IKBIP: variants seen among roughly 807,000 people sequenced by gnomAD.
The protein encoded by IKBIP is IKBKB interacting protein.
IKBIP carries 28 observed loss-of-function variants against 31.0 expected under a neutral mutation model. The observed-to-expected ratio is 0.90, with a 90% CI of 0.67 to 1.24. The LOEUF is 1.24. Among genes scored for constraint, IKBIP ranks in the 50% most tolerant of loss-of-function variants. The probability of loss-of-function intolerance (pLI) is 0.00; values close to 1 mark genes in which losing one functional copy is unlikely to be tolerated. For synonymous variants in IKBIP, 164 were observed against 160.3 expected (o/e 1.02, Z -0.17); for missense variants, 453 against 441.9 (o/e 1.03, Z -0.23).
At chr12:98,614,166 C>T (rs2097604927) in exon 3 of IKBIP, 1 of 1,613,844 alleles carries the variant, frequency 6.2e-7, no homozygotes, top group East Asian at 2.2e-5. Flanking sequence ...GTACTTTGGT[C>T]TACTTTTGTA....
chr12:98,630,911 G>C (rs753258027), intron 2 of IKBIP, among the ~76,000 whole-genome samples: 2 of 147,500 alleles, frequency 1.4e-5, no homozygotes, highest in African/African-American at 2.5e-5. Context: ...GCTACGAAAA[G>C]ACTGAATATT....
downstream of IKBIP, among the ~76,000 whole-genome samples, chr12:98,622,231 T>C (rs1004701171): frequency 7.9e-5 from 12 of 152,006 alleles, no homozygotes; most frequent in African/African-American, 2.9e-4. Context: ...TTGTATTAAA[T>C]TAATAGTTTA....
At chr12:98,632,903 C>T (rs768887520) in intron 2 of IKBIP, among the ~76,000 whole-genome samples, 3 of 152,064 alleles carry the variant, frequency 2.0e-5, no homozygotes, top group Non-Finnish European at 4.4e-5. Flanking sequence ...GCTGGGATTA[C>T]AGGCATGAGC....
chr12:98,641,776 C>T (rs2097630680), intron 1 of IKBIP, among the ~76,000 whole-genome samples: 1 of 117,266 alleles, frequency 8.5e-6, no homozygotes, highest in Admixed American at 9.6e-5. Context: ...TCACCTCAGC[C>T]TCCCAAGTAC....
intron 2 of IKBIP, among the ~76,000 whole-genome samples, chr12:98,632,415 T>G (rs1444989226): frequency 7.2e-6 from 1 of 138,022 alleles, no homozygotes; most frequent in African/African-American, 2.7e-5. Flanking sequence ...GTTGAGCTGT[T>G]ATTCCAACAC....
intron 2 of IKBIP, among the ~76,000 whole-genome samples, chr12:98,617,921 A>G (rs1299786126): frequency 6.6e-6 from 1 of 152,218 alleles, no homozygotes; most frequent in Non-Finnish European, 1.5e-5. Flanking sequence ...ATAACTTTCT[A>G]TTAATAACCA....
rs1442101393 is a variant in IKBIP, at chr12:98,624,411, A to C, written c.*1519T>G. 5 of 985,412 alleles carry C rather than the reference A, an allele frequency of 5.1e-6. No individual in the cohort carries two copies. The highest frequency in any genetic ancestry group is 6.0e-6 in the Non-Finnish European group (5 of 829,898). 61.0% of individuals were successfully genotyped at this position (985,412 alleles called of 1,614,324 possible). A position where few individuals can be genotyped will look rare whatever the true frequency, so the allele number is the denominator to read the frequency against. ...AACAGAACTCTCCAGGCTTATTTTC[A>C]TGATTCACGCTGTCTACCACAGGCC... On this transcript the variant is annotated 3_prime_UTR_variant, in exon 3 of 3. Coordinates refer to ENST00000299157, the MANE Select transcript of IKBIP (RefSeq NM_153687.4).
chr12:98,637,148 G>A (rs2097626425), intron 1 of IKBIP, among the ~76,000 whole-genome samples: 1 of 151,966 alleles, frequency 6.6e-6, no homozygotes, highest in African/African-American at 2.4e-5. Flanking sequence ...CATGTTAGTG[G>A]AAATATCATC....
chr12:98,639,972 C>CAG (rs1234215310), intron 1 of IKBIP, among the ~76,000 whole-genome samples: 5 of 152,108 alleles, frequency 3.3e-5, no homozygotes, highest in Admixed American at 3.3e-4. Flanking sequence ...AGATAAAACT[C>CAG]TACTAACACA....
chr12:98,635,082 T>C (rs2097624631), intron 1 of IKBIP, among the ~76,000 whole-genome samples: 2 of 151,354 alleles, frequency 1.3e-5, no homozygotes, highest in African/African-American at 4.9e-5. Flanking sequence ...CTCGGTTCAC[T>C]GCAACCTTTG....
rs528888235 is a variant in IKBIP, at chr12:98,641,558, A to G, written c.179+2965T>C. ...TTTTGCAATAAACAGCAACCAAAGTACATTTGCTTCAATTTTTGCAGCAAA... is the reference window on the plus strand; with the variant it reads ...TTTTGCAATAAACAGCAACCAAAGTGCATTTGCTTCAATTTTTGCAGCAAA... On this transcript the variant is annotated intron_variant, in intron 1 of 2. Transcript: ENST00000299157. Among the ~76,000 whole-genome samples, 54 of 152,372 alleles carry G rather than the reference A, an allele frequency of 3.5e-4. 1 individual carries two copies. The South Asian group carries it at 0.011, about 32-fold the overall frequency.
At chr12:98,631,001 C>T (rs2097619636) in intron 2 of IKBIP, among the ~76,000 whole-genome samples, 4 of 151,432 alleles carry the variant, frequency 2.6e-5, no homozygotes, top group Non-Finnish European at 2.9e-5. Flanking sequence ...GGCATGATCT[C>T]GGCTCACCAC....
intron 2 of IKBIP, among the ~76,000 whole-genome samples, chr12:98,616,175 A>G (rs930350984): frequency 1.3e-5 from 2 of 152,116 alleles, no homozygotes; most frequent in Admixed American, 1.3e-4. Context: ...CTTTTTGATA[A>G]TAAATATTCT....
chr12:98,643,812 G>GTTTTCTTTTTTTTTTTTTTTTCC (rs1555212501), intron 1 of IKBIP, among the ~76,000 whole-genome samples: 8,315 of 130,612 alleles, frequency 0.064, 344 homozygotes, highest in East Asian at 0.18. Context: ...TAATGATATG[G>GTTTTCTTTTTTTTTTTTTTTTCC]TTTTCTTTTT....
chr12:98,627,601 G>T (rs1267452593), intron 2 of IKBIP, among the ~76,000 whole-genome samples: 1 of 151,878 alleles, frequency 6.6e-6, no homozygotes, highest in African/African-American at 2.4e-5. Flanking sequence ...ACCACACCCG[G>T]CTAATTTTTT....
In IKBIP at chr12:98,644,631, C is replaced by A. The variant is rs755880604; in HGVS notation, c.71G>T (p.Ser24Ile). Residue 24 changes from serine to isoleucine, a missense_variant, in exon 1 of 3, where the codon AGC (serine) becomes ATC (isoleucine). Coordinates refer to ENST00000299157, the MANE Select transcript of IKBIP (RefSeq NM_153687.4). ...GAPAAEPGKRSEGGKTPVARS... is the reference protein window; with the variant it reads ...GAPAAEPGKRIEGGKTPVARS... ...GGCCACGGGGGTCTTCCCGCCCTCG[C>A]TCCGCTTCCCGGGCTCCGCAGCAGG... is the stretch of plus-strand genomic sequence containing the variant. 2 of 1,610,876 alleles carry A rather than the reference C, an allele frequency of 1.2e-6. No homozygotes were observed. Among genetic ancestry groups the A allele is most frequent in the Admixed American group, 3.4e-5 (2 of 59,582 alleles).
rs1039565933 is a variant in IKBIP at position 98,626,204 on chromosome 12, G to C, written c.860C>G (p.Ser287Cys). 6.2e-7 allele frequency: 1 copy of C among 1,613,432 alleles called. No individual in the cohort carries two copies. Among genetic ancestry groups the C allele is most frequent in the Admixed American group, 1.7e-5 (1 of 60,026 alleles). Reference sequence around the variant, plus strand: ...CTTTTCTGTTTCTATCAGATCCTGAGAGACTCTGAGAACAGAGTGAATAGC... The same window carrying C: ...CTTTTCTGTTTCTATCAGATCCTGACAGACTCTGAGAACAGAGTGAATAGC... ...ESAIHSVLRV[S>C]QDLIETEKKM... Residue 287 changes from serine to cysteine, a missense_variant, in exon 3 of 3, where the codon TCT (serine) becomes TGT (cysteine). By Grantham distance (112) the Ser-to-Cys change is moderately radical (BLOSUM62 -1). Transcript: ENST00000299157.
At position 98,624,898 on chromosome 12, in the gene IKBIP, G is replaced by A. The variant is rs1461081449; in HGVS notation, c.*1032C>T. The A allele has an allele frequency of 3.9e-5, 14 of 356,156 alleles. No individual in the cohort carries two copies. Among genetic ancestry groups the A allele is most frequent in the African/African-American group, 4.4e-5 (2 of 45,120 alleles). 22.1% of individuals were successfully genotyped at this position (356,156 alleles called of 1,614,324 possible). On this transcript the variant is annotated 3_prime_UTR_variant, in exon 3 of 3. Transcript: ENST00000299157. ...CGGCTCACTGCAAGCTCTGCCTCCCGGGTTCACACCATTCTCCTGCCTCAG... is the reference window on the plus strand; with the variant it reads ...CGGCTCACTGCAAGCTCTGCCTCCCAGGTTCACACCATTCTCCTGCCTCAG...
intron 1 of IKBIP, among the ~76,000 whole-genome samples, chr12:98,644,123 T>C (rs1026615864): frequency 1.3e-5 from 2 of 152,160 alleles, no homozygotes; most frequent in Admixed American, 1.3e-4. Context: ...ATTAGGTATT[T>C]ATGGGGTGAG....
Sources: gnomAD v4.1 joint callset for allele counts (sites outside exome capture counted in the v4.1 genomes callset) on GRCh38, gnomAD v4.1.1 for gene constraint, MANE v1.5 for transcripts, NCBI Gene and HGNC (gene_info 2026-07-23, HGNC 2026-07-21) for gene names.